The following COL23A1 variants were observed in gnomAD, a reference collection of about 807,000 sequenced individuals.
COL23A1 encodes collagen type XXIII alpha 1 chain, also known as collagen alpha-1(XXIII) chain.
COL23A1 carries 97 observed loss-of-function variants against 99.3 expected under a neutral mutation model. The observed-to-expected ratio is 0.98, with a 90% CI of 0.83 to 1.16. The LOEUF (loss-of-function observed/expected upper bound fraction) is 1.16, where lower values mean the gene tolerates loss of function less well. Ranked by LOEUF, COL23A1 falls within the 50% of genes most tolerant of loss-of-function variation. The pLI, the probability that COL23A1 is intolerant of heterozygous loss-of-function variation, is 0.00. For missense variants in COL23A1, 762 were observed against 757.4 expected (o/e 1.01, Z -0.07); for synonymous variants, 320 against 308.2 (o/e 1.04, Z -0.40).
intron 5 of COL23A1, among the ~76,000 whole-genome samples, chr5:178,287,109 G>A (rs559963740): frequency 2.0e-5 from 3 of 152,386 alleles, no homozygotes; most frequent in South Asian, 2.1e-4. Context: ...CCGGGCTGCC[G>A]TGTGCAGGAG....
chr5:178,358,306 ATGTGTG>A (rs144233519), intron 2 of COL23A1, among the ~76,000 whole-genome samples: 1 of 134,772 alleles, frequency 7.4e-6, no homozygotes, highest in East Asian at 2.5e-4. Context: ...GTATGTATGT[ATGTGTG>A]TGTATGTGTA....
intron 2 of COL23A1, among the ~76,000 whole-genome samples, chr5:178,531,014 C>T (rs776070059): frequency 3.9e-5 from 6 of 152,102 alleles, no homozygotes; most frequent in African/African-American, 9.7e-5. Context: ...ATTACAGGCA[C>T]GCGCCACCAC....
intron 2 of COL23A1, among the ~76,000 whole-genome samples, chr5:178,523,155 T>TATATAC (rs1760053548): frequency 2.5e-5 from 2 of 80,114 alleles, no homozygotes; most frequent in Non-Finnish European, 5.7e-5. Context: ...TATATATATA[T>TATATAC]ATATATACAT....
In COL23A1 at chr5:178,424,180, A is replaced by G. The variant is rs145032945; in HGVS notation, c.362-117261T>C. Among the ~76,000 whole-genome samples the G allele has an allele frequency of 2.6e-3, 398 of 152,342 alleles. 4 individuals are homozygous for G. Among genetic ancestry groups the G allele is most frequent in the Middle Eastern group, 0.01 (3 of 294 alleles). ...CAGCCTCCCTTGCAGGCCCGCAGCTATTCATTCATGCATCCTGCATTCATT... is the reference window on the plus strand; with the variant it reads ...CAGCCTCCCTTGCAGGCCCGCAGCTGTTCATTCATGCATCCTGCATTCATT... On this transcript the variant is annotated intron_variant, in intron 2 of 28. Coordinates refer to ENST00000390654, the MANE Select transcript of COL23A1 (RefSeq NM_173465.4).
chr5:178,345,326 A>C (rs1760901618), intron 2 of COL23A1: 1 of 466,368 alleles, frequency 2.1e-6, no homozygotes, highest in East Asian at 4.7e-5. Flanking sequence ...TTCGGAAGAG[A>C]AACACATTGA....
chr5:178,398,320 CT>C (rs538685106), intron 2 of COL23A1, among the ~76,000 whole-genome samples: 3 of 152,016 alleles, frequency 2.0e-5, no homozygotes, highest in Non-Finnish European at 4.4e-5. Flanking sequence ...AAAAATTATT[CT>C]TTTTTTTATT....
intron 2 of COL23A1, among the ~76,000 whole-genome samples, chr5:178,460,355 C>A (rs530381926): frequency 2.0e-5 from 3 of 152,178 alleles, no homozygotes; most frequent in African/African-American, 7.2e-5. Flanking sequence ...CATGGCACTG[C>A]CCATCCCAGT....
chr5:178,334,319 C>T (rs1161691441), intron 2 of COL23A1, among the ~76,000 whole-genome samples: 1 of 152,206 alleles, frequency 6.6e-6, no homozygotes, highest in Non-Finnish European at 1.5e-5. Context: ...CATGACGTGC[C>T]CAAAGCACAT....
intron 2 of COL23A1, chr5:178,345,274 T>G (rs1425299680): frequency 1.5e-6 from 1 of 688,174 alleles, no homozygotes; most frequent in African/African-American, 1.8e-5. Flanking sequence ...ATGAACTCGG[T>G]GCCAGTAATC....
At chr5:178,322,267 C>T (rs1759367645) in intron 2 of COL23A1, among the ~76,000 whole-genome samples, 1 of 152,196 alleles carries the variant, frequency 6.6e-6, no homozygotes, top group Admixed American at 6.5e-5. Flanking sequence ...GCTGGGATTA[C>T]AAGCGTGAGC....
chr5:178,246,350 G>T (rs1764693700), intron 23 of COL23A1, 41 bp downstream of exon 23: 2 of 1,563,180 alleles, frequency 1.3e-6, no homozygotes, highest in Non-Finnish European at 1.7e-6. Context: ...CTAGTGACAG[G>T]AATTAACACC....
intron 2 of COL23A1, among the ~76,000 whole-genome samples, chr5:178,321,446 C>T (rs1295929969): frequency 6.7e-6 from 1 of 150,132 alleles, no homozygotes; most frequent in African/African-American, 2.5e-5. Flanking sequence ...AAGGTCCATC[C>T]ATGTTATAAC....
intron 1 of COL23A1, among the ~76,000 whole-genome samples, chr5:178,565,071 CTG>C (rs933269521): frequency 1.3e-5 from 2 of 152,294 alleles, no homozygotes; most frequent in South Asian, 2.1e-4. Context: ...ATTATGAAGA[CTG>C]TGTAGCAACA....
intron 2 of COL23A1, among the ~76,000 whole-genome samples, chr5:178,403,797 G>C (rs1333155375): frequency 6.6e-6 from 1 of 152,228 alleles, no homozygotes. Context: ...GGAAAGAAAA[G>C]AACAAATGCT....
rs10072482 is a variant in COL23A1, at chr5:178,349,610, C to T, written c.362-42691G>A. Among the ~76,000 whole-genome samples, 500 of 151,680 alleles carry T rather than the reference C, an allele frequency of 3.3e-3. 1 individual carries two copies. Among genetic ancestry groups the T allele is most frequent in the African/African-American group, 0.012 (478 of 41,386 alleles). On this transcript the variant is annotated intron_variant, in intron 2 of 28. Coordinates refer to ENST00000390654, the MANE Select transcript of COL23A1 (RefSeq NM_173465.4). ...CCTCACCTTTCCACGGCACTATCAC[C>T]GTCCAATGTAATGGGAGGCTTTCCT...
chr5:178,546,260 C>T (rs1761574087), intron 2 of COL23A1, among the ~76,000 whole-genome samples: 1 of 152,196 alleles, frequency 6.6e-6, no homozygotes, highest in Non-Finnish European at 1.5e-5. Context: ...GGTATCACCC[C>T]TCCATTCCTA....
In COL23A1 at chr5:178,365,919, G is replaced by A. The variant is rs943544560; in HGVS notation, c.362-59000C>T. On this transcript the variant is annotated intron_variant, in intron 2 of 28. Transcript: ENST00000390654. This position sits in a 1 kb window ranked among gnomAD's most constrained non-coding sequence, Gnocchi z 5.2. ...AGTCAGTGAACACAGCAGGAAGGGG[G>A]GATGGTCAAGCGCACCACAGGCTTG... Among the ~76,000 whole-genome samples, 1 of 152,072 alleles carries A rather than the reference G, an allele frequency of 6.6e-6. No individual in the cohort carries two copies. The highest frequency in any genetic ancestry group is 1.5e-5 in the Non-Finnish European group (1 of 67,996).
chr5:178,469,989 C>A (rs1280363683), intron 2 of COL23A1, among the ~76,000 whole-genome samples: 1 of 152,202 alleles, frequency 6.6e-6, no homozygotes, highest in Non-Finnish European at 1.5e-5. Context: ...ATTTCCACCC[C>A]ATTTGTCTAC....
chr5:178,355,160 T>C (rs1051910426), intron 2 of COL23A1, among the ~76,000 whole-genome samples: 1 of 152,152 alleles, frequency 6.6e-6, no homozygotes, highest in African/African-American at 2.4e-5. Flanking sequence ...ACTTAAAGCA[T>C]ATGGAGGATG....
Sources: gnomAD v4.1 joint callset for allele counts (sites outside exome capture counted in the v4.1 genomes callset) on GRCh38, gnomAD v4.1.1 for gene constraint, Gnocchi (gnomAD v3.1) non-coding constraint, MANE v1.5 for transcripts, NCBI Gene and HGNC (gene_info 2026-07-23, HGNC 2026-07-21) for gene names.